Variants in DOCK8 observed in about 807,000 individuals in gnomAD.
The protein encoded by DOCK8 is dedicator of cytokinesis protein 8.
In DOCK8, 141 loss-of-function variants were observed where a neutral mutation model predicts 245.6. The ratio of observed to expected loss-of-function variants is 0.57; its 90% CI spans 0.50 to 0.66. The LOEUF (loss-of-function observed/expected upper bound fraction) is 0.66. DOCK8 is among the 30% of genes least tolerant of loss of function. The probability of loss-of-function intolerance (pLI) is 0.00; values close to 1 mark genes in which losing one functional copy is unlikely to be tolerated. For synonymous variants in DOCK8, 1,168 were observed against 970.2 expected (o/e 1.20, Z -3.79); for missense variants, 2,965 against 2,603.4 (o/e 1.14, Z -3.02).
At chr9:254,706 C>T (rs921035769) in intron 1 of DOCK8, among the ~76,000 whole-genome samples, 3 of 152,244 alleles carry the variant, frequency 2.0e-5, no homozygotes, top group Non-Finnish European at 2.9e-5. Flanking sequence ...CTTCTACTTC[C>T]ATTTGAGTGA....
intron 6 of DOCK8, among the ~76,000 whole-genome samples, chr9:316,084 G>C (rs1563914627): frequency 6.6e-6 from 1 of 152,188 alleles, no homozygotes; most frequent in Non-Finnish European, 1.5e-5. Context: ...TTACCACATT[G>C]ATCATTCCAT....
At chr9:406,115 C>G (rs2055404689) in intron 27 of DOCK8, among the ~76,000 whole-genome samples, 2 of 152,176 alleles carry the variant, frequency 1.3e-5, no homozygotes, top group South Asian at 4.1e-4. Flanking sequence ...TTACTGAGGA[C>G]CGGTAAATCT....
intron 9 of DOCK8, among the ~76,000 whole-genome samples, 199 bp from the exon 10 acceptor site, chr9:332,199 C>T (rs2051043003): frequency 6.6e-6 from 1 of 151,984 alleles, no homozygotes; most frequent in African/African-American, 2.4e-5. Context: ...CTACTGTCAC[C>T]CTTTTAATAT....
intron 34 of DOCK8, among the ~76,000 whole-genome samples, chr9:428,101 G>A (rs541200065): frequency 6.6e-6 from 1 of 152,326 alleles, no homozygotes; most frequent in East Asian, 1.9e-4. Context: ...GACCCAGGAT[G>A]AGGGAGATGG....
chr9:264,807 A>G (rs551460266), intron 1 of DOCK8, among the ~76,000 whole-genome samples: 2 of 152,200 alleles, frequency 1.3e-5, no homozygotes, highest in African/African-American at 4.8e-5. Context: ...GGAACTACTC[A>G]CTCTTGAGAT....
At position 434,791 on chromosome 9, in the gene DOCK8, A is replaced by G. The variant is rs760713559; in HGVS notation, c.4895A>G (p.Lys1632Arg). ...MLMDLMYRIA[K>R]SYQASPDLRL... Reference sequence around the variant, plus strand: ...ACTCAATCTGTCTTCAGAATTGCCAAGAGTTACCAGGCATCTCCTGATCTG... The same window carrying G: ...ACTCAATCTGTCTTCAGAATTGCCAGGAGTTACCAGGCATCTCCTGATCTG... The change falls in exon 39 of 48, where the codon AAG becomes AGG. Residue 1632 changes from lysine to arginine, a missense_variant. Physicochemically the swap from Lys to Arg is conservative, Grantham distance 26. Coordinates refer to ENST00000432829, the MANE Select transcript of DOCK8 (RefSeq NM_203447.4). The G allele has an allele frequency of 2.7e-5, 44 of 1,613,980 alleles. No individual in the cohort carries two copies. Among genetic ancestry groups the G allele is most frequent in the Non-Finnish European group, 3.6e-5 (42 of 1,180,022 alleles).
chr9:366,548 A>T (rs1392005611), intron 14 of DOCK8: 3 of 152,206 alleles, frequency 2.0e-5, no homozygotes, highest in Admixed American at 6.5e-5. Context: ...TTCTTCTGTG[A>T]CTAGGTAAGT....
At chr9:395,704 C>T (rs2131387607) in intron 24 of DOCK8, among the ~76,000 whole-genome samples, 1 of 152,290 alleles carries the variant, frequency 6.6e-6, no homozygotes, top group Middle Eastern at 3.4e-3. Context: ...GACTCACCCT[C>T]AGATGGTGAC....
At chr9:407,135 C>G in intron 28 of DOCK8, 66 bp downstream of exon 28, 1 of 1,605,224 alleles carries the variant, frequency 6.2e-7, no homozygotes, top group Admixed American at 1.7e-5. Flanking sequence ...ATAAAATTTG[C>G]AGTCTAGCTT....
At chr9:405,337 A>C (rs2055362350) in intron 27 of DOCK8, among the ~76,000 whole-genome samples, 1 of 152,196 alleles carries the variant, frequency 6.6e-6, no homozygotes, top group Admixed American at 6.5e-5. Context: ...AAATTTAGAA[A>C]CTCATAGAAA....
In DOCK8 at chr9:449,821, TGAA is replaced by T. The variant is rs1587092842; in HGVS notation, c.5864_5866del (p.Lys1955del). 3.1e-6 allele frequency: 5 copies of T among 1,613,332 alleles called. No homozygotes were observed. Among genetic ancestry groups the T allele is most frequent in the Non-Finnish European group, 4.2e-6 (5 of 1,180,022 alleles). The stretch of plus-strand genomic sequence containing the variant: ...CCGATTGAAGTTGCCATTGAAGACA[TGAA>T]GAAGAAGACCCTGCAGTTAGCAGTT... On this transcript the variant is annotated inframe_deletion, in exon 45 of 48. Transcript: ENST00000432829.
At chr9:316,717 A>G (rs2050363732) in intron 6 of DOCK8, among the ~76,000 whole-genome samples, 1 of 152,200 alleles carries the variant, frequency 6.6e-6, no homozygotes, top group African/African-American at 2.4e-5. Context: ...ACACACAAAA[A>G]CATCAACAAT....
At chr9:426,834 A>G (rs1378693860) in intron 33 of DOCK8, 51 bp from the exon 34 acceptor site, 1 of 1,467,854 alleles carries the variant, frequency 6.8e-7, no homozygotes, top group Admixed American at 1.7e-5. Context: ...CATCATGGGA[A>G]CCTGGCCAGG....
intron 1 of DOCK8, among the ~76,000 whole-genome samples, chr9:233,107 T>C (rs1085321): frequency 1.3e-5 from 2 of 151,806 alleles, no homozygotes; most frequent in Non-Finnish European, 2.9e-5. Context: ...TCTTTGTTCT[T>C]GCTGGTTTCA....
intron 11 of DOCK8, among the ~76,000 whole-genome samples, chr9:335,672 A>T (rs1276652914): frequency 1.3e-5 from 2 of 152,092 alleles, no homozygotes; most frequent in African/African-American, 4.8e-5. Context: ...AAGCTAGGTA[A>T]TTCAGGATAG....
chr9:392,674 C>G (rs1009583955), intron 24 of DOCK8, among the ~76,000 whole-genome samples: 5 of 151,724 alleles, frequency 3.3e-5, no homozygotes, highest in African/African-American at 9.7e-5. Context: ...TTTTTTCATT[C>G]CAAAAGCCGA....
At chr9:454,402 T>A (rs2057562431) in intron 46 of DOCK8, 2 of 152,190 alleles carry the variant, frequency 1.3e-5, no homozygotes, top group Non-Finnish European at 2.9e-5. Flanking sequence ...GGTATGTATG[T>A]ATAGGAAAAA....
chr9:400,517 A>T (rs1220175660), intron 26 of DOCK8, among the ~76,000 whole-genome samples: 1 of 45,212 alleles, frequency 2.2e-5, no homozygotes, highest in Non-Finnish European at 3.8e-5. Flanking sequence ...CACCACCACC[A>T]CCTCCACCAT....
intron 28 of DOCK8, among the ~76,000 whole-genome samples, chr9:412,375 A>G (rs370329096): frequency 7.4e-5 from 11 of 149,318 alleles, no homozygotes; most frequent in African/African-American, 2.7e-4. Flanking sequence ...ACTGCACTCC[A>G]GCCTGGGCCA....
Sources: allele counts gnomAD v4.1 joint callset (sites outside exome capture counted in the v4.1 genomes callset), GRCh38; gene constraint gnomAD v4.1.1; transcripts MANE v1.5; gene names NCBI Gene and HGNC (gene_info 2026-07-23, HGNC 2026-07-21).